Variants in PARD3B observed in about 807,000 individuals in gnomAD.
The protein encoded by PARD3B is partitioning defective 3 homolog B.
Under a neutral mutation model 130.2 loss-of-function variants are expected in PARD3B, and 103 were observed. The observed-to-expected ratio is 0.79, with a 90% confidence interval of 0.67 to 0.93. The LOEUF (loss-of-function observed/expected upper bound fraction) is 0.93, where lower values mean the gene tolerates loss of function less well. Ranked by LOEUF, PARD3B falls within the 40% of genes least tolerant of loss-of-function variation. The probability of loss-of-function intolerance (pLI) is 0.00; values close to 1 mark genes in which losing one functional copy is unlikely to be tolerated. For missense variants in PARD3B, 1,609 were observed against 1,499.2 expected, an observed-to-expected ratio of 1.07 and a Z score of -1.21; for synonymous variants, 583 against 553.2, an observed-to-expected ratio of 1.05 and a Z score of -0.76.
At chr2:204,553,652 A>G (rs1340857615) in intron 1 of PARD3B, among the ~76,000 whole-genome samples, 1 of 3,172 alleles carries the variant, frequency 3.2e-4, no homozygotes, top group African/African-American at 7.5e-4. Flanking sequence ...ATATATATCC[A>G]TATATATATA....
In PARD3B at chr2:205,263,744, CT is replaced by C. The variant is rs2040403368; in HGVS notation, c.2185+17924del. Among the ~76,000 whole-genome samples, 1 of 151,048 alleles carries C rather than the reference CT, an allele frequency of 6.6e-6. No homozygotes were observed. Among genetic ancestry groups the C allele is most frequent in the South Asian group, 2.1e-4 (1 of 4,780 alleles). On this transcript the variant is annotated intron_variant, in intron 16 of 22. Transcript: ENST00000406610. The surrounding 1 kb of genome is among the most constrained non-coding windows in gnomAD (Gnocchi z 4.0). ...CTTCTGAAAATTAAAAATGTTTACT[CT>C]TCAAAAGATACTCTTGAGAAAATGA...
intron 2 of PARD3B, among the ~76,000 whole-genome samples, chr2:204,922,888 A>G (rs1040759638): frequency 2.0e-5 from 3 of 152,104 alleles, no homozygotes; most frequent in African/African-American, 7.2e-5. Flanking sequence ...TCACACAGGC[A>G]GCATTGACTG....
chr2:205,381,749 C>A (rs76475175), intron 18 of PARD3B, among the ~76,000 whole-genome samples: 27,465 of 151,858 alleles, frequency 0.18, 3,152 homozygotes, highest in Non-Finnish European at 0.26. Context: ...ATCTGAAAAG[C>A]TCAGAAACAT....
chr2:205,518,500 G>A (rs1301705280), intron 21 of PARD3B, among the ~76,000 whole-genome samples: 2 of 152,112 alleles, frequency 1.3e-5, no homozygotes, highest in Non-Finnish European at 2.9e-5. Context: ...GTCTCTTGAA[G>A]ACAGCTGTCA....
chr2:205,343,313 G>A (rs2043612774), intron 18 of PARD3B, among the ~76,000 whole-genome samples: 1 of 152,150 alleles, frequency 6.6e-6, no homozygotes, highest in Non-Finnish European at 1.5e-5. Context: ...CCAATAACAT[G>A]TGCTCCGAGC....
At chr2:205,393,854 C>T (rs959809604) in intron 18 of PARD3B, among the ~76,000 whole-genome samples, 20 of 151,918 alleles carry the variant, frequency 1.3e-4, no homozygotes, top group South Asian at 2.1e-4. Flanking sequence ...CATTCATCAG[C>T]GTATGTATGG....
At position 204,847,927 on chromosome 2, in the gene PARD3B, G is replaced by A. The variant is rs536239597; in HGVS notation, c.223-117225G>A. On this transcript the variant is annotated intron_variant, in intron 2 of 22. Coordinates refer to ENST00000406610, the MANE Select transcript of PARD3B (RefSeq NM_001302769.2). ...ATTGTGAAGAAGGAAAAAGAAATTT[G>A]TGCTAGTTTTGCTGTTGCATCTGAA... 8.5e-5 allele frequency among the ~76,000 whole-genome samples: 13 copies of A among 152,250 alleles called. No homozygotes were observed. In the South Asian group the frequency reaches 1.7e-3, roughly 19 times the overall value.
At chr2:204,556,335 A>G (rs2030920264) in intron 1 of PARD3B, among the ~76,000 whole-genome samples, 1 of 152,178 alleles carries the variant, frequency 6.6e-6, no homozygotes, top group African/African-American at 2.4e-5. Flanking sequence ...CTAGTGCCTC[A>G]GCTAGAATGG....
At chr2:205,303,718 C>T (rs1413953930) in intron 18 of PARD3B, among the ~76,000 whole-genome samples, 1 of 152,158 alleles carries the variant, frequency 6.6e-6, no homozygotes, top group African/African-American at 2.4e-5. Flanking sequence ...AGAATGCTGT[C>T]ATGCATGGGG....
intron 2 of PARD3B, among the ~76,000 whole-genome samples, chr2:204,854,090 G>C (rs948404615): frequency 3.3e-5 from 5 of 152,094 alleles, no homozygotes; most frequent in African/African-American, 1.2e-4. Flanking sequence ...AGCTTGGAGA[G>C]TTCAAAACAC....
intron 22 of PARD3B, among the ~76,000 whole-genome samples, chr2:205,587,782 A>AG (rs1329164737): frequency 6.6e-6 from 1 of 152,206 alleles, no homozygotes; most frequent in East Asian, 1.9e-4. Context: ...CACGGAAAAG[A>AG]GCTAGTGAGC....
intron 20 of PARD3B, among the ~76,000 whole-genome samples, chr2:205,447,799 C>A (rs1167295632): frequency 6.6e-6 from 1 of 152,234 alleles, no homozygotes; most frequent in Admixed American, 6.5e-5. Context: ...TGGCATACTT[C>A]AGTGACAAAA....
intron 21 of PARD3B, among the ~76,000 whole-genome samples, chr2:205,515,486 C>A (rs771969920): frequency 2.9e-4 from 43 of 150,850 alleles, no homozygotes; most frequent in Non-Finnish European, 6.0e-4. Flanking sequence ...TCCCTTTTCT[C>A]CACAACTTTG....
intron 2 of PARD3B, among the ~76,000 whole-genome samples, chr2:204,928,725 G>A (rs1490122608): frequency 6.6e-6 from 1 of 152,044 alleles, no homozygotes; most frequent in Non-Finnish European, 1.5e-5. Flanking sequence ...GGTGAGCTTT[G>A]GGCATGCTGA....
chr2:204,826,446 C>G (rs1180521537), intron 2 of PARD3B, among the ~76,000 whole-genome samples: 1 of 152,146 alleles, frequency 6.6e-6, no homozygotes, highest in East Asian at 1.9e-4. Context: ...GGGCACAATT[C>G]ATTGCCCTGT....
chr2:205,307,423 A>G (rs2042223921), intron 18 of PARD3B, among the ~76,000 whole-genome samples: 1 of 152,224 alleles, frequency 6.6e-6, no homozygotes, highest in Non-Finnish European at 1.5e-5. Context: ...AAAAATATGC[A>G]GCTCAAGAGC....
At chr2:205,556,989 C>T (rs1043567302) in intron 22 of PARD3B, among the ~76,000 whole-genome samples, 1 of 152,144 alleles carries the variant, frequency 6.6e-6, no homozygotes, top group Non-Finnish European at 1.5e-5. Context: ...CCACTCTTCC[C>T]ATCTCAAGCC....
At chr2:205,297,670 C>T (rs1302900955) in intron 16 of PARD3B, among the ~76,000 whole-genome samples, 1 of 152,168 alleles carries the variant, frequency 6.6e-6, no homozygotes, top group Non-Finnish European at 1.5e-5. Context: ...TTTTGGTTCT[C>T]TTCTCTAACA....
At chr2:204,939,902 G>A (rs1159736309) in intron 2 of PARD3B, among the ~76,000 whole-genome samples, 1 of 152,072 alleles carries the variant, frequency 6.6e-6, no homozygotes, top group Non-Finnish European at 1.5e-5. Context: ...GGCCCCAAAT[G>A]TACTTAAATT....
Sources: gnomAD v4.1 joint callset for allele counts (sites outside exome capture counted in the v4.1 genomes callset) on GRCh38, gnomAD v4.1.1 for gene constraint, Gnocchi (gnomAD v3.1) non-coding constraint, MANE v1.5 for transcripts, NCBI Gene and HGNC (gene_info 2026-07-23, HGNC 2026-07-21) for gene names.